The following SERINC1 variants were observed in gnomAD, a reference collection of about 807,000 sequenced individuals.
SERINC1 encodes the protein serine incorporator 1.
Under a neutral mutation model 52.9 loss-of-function variants are expected in SERINC1, and 38 were observed. That is an observed-to-expected ratio of 0.72 (90% CI 0.55 to 0.94). The LOEUF is 0.94. SERINC1 is among the 40% of genes least tolerant of loss of function. The pLI is 0.00. For synonymous variants in SERINC1, 198 were observed against 183.1 expected, an observed-to-expected ratio of 1.08 and a Z score of -0.66; for missense variants, 471 against 533.9, an observed-to-expected ratio of 0.88 and a Z score of 1.16.
At chr6:122,445,391 G>A (rs1180343168) in intron 9 of SERINC1, among the ~76,000 whole-genome samples, 2 of 152,122 alleles carry the variant, frequency 1.3e-5, no homozygotes, top group East Asian at 1.9e-4. Flanking sequence ...AAGTATACAG[G>A]CCTCTGAAAT....
Position 122,444,930 on chromosome 6 carries a change from G to C in SERINC1, c.*114C>G, listed in dbSNP as rs527451398. The C allele has an allele frequency of 9.4e-6, 9 of 957,128 alleles. No homozygotes were observed. The South Asian group carries it at 1.2e-4, about 13-fold the overall frequency. 59.3% of individuals were successfully genotyped at this position (957,128 alleles called of 1,614,324 possible). A position where few individuals can be genotyped will look rare whatever the true frequency, so the allele number is the denominator to read the frequency against. ...AAGCAGTAAAATCTAATTCATGCCA[G>C]AACACTGGAGAAGTTACATGGGAAG... On this transcript the variant is annotated 3_prime_UTR_variant, in exon 10 of 10. Transcript: ENST00000339697.
intron 1 of SERINC1, among the ~76,000 whole-genome samples, chr6:122,467,568 C>T (rs1156243984): frequency 6.6e-6 from 1 of 152,118 alleles, no homozygotes; most frequent in Non-Finnish European, 1.5e-5. Context: ...GATCGCGCCA[C>T]TGCACTCCAG....
chr6:122,451,060 A>G (rs886417522), intron 7 of SERINC1, among the ~76,000 whole-genome samples: 1 of 152,194 alleles, frequency 6.6e-6, no homozygotes, highest in African/African-American at 2.4e-5. Context: ...GTCAAATGCT[A>G]TCAAACAGCA....
intron 1 of SERINC1, among the ~76,000 whole-genome samples, chr6:122,471,419 CA>C (rs150372731): frequency 0.06 from 9,056 of 151,320 alleles, 948 homozygotes; most frequent in East Asian, 0.28. Flanking sequence ...GTTCACGAAG[CA>C]GGGGTGGGGG....
At chr6:122,468,498 T>A (rs1775222936) in intron 1 of SERINC1, among the ~76,000 whole-genome samples, 1 of 152,174 alleles carries the variant, frequency 6.6e-6, no homozygotes, top group African/African-American at 2.4e-5. Flanking sequence ...AGAATCTTTT[T>A]AAGAAACTCT....
chr6:122,447,595 T>G (rs919209109), intron 7 of SERINC1, among the ~76,000 whole-genome samples: 1 of 152,152 alleles, frequency 6.6e-6, no homozygotes, highest in Non-Finnish European at 1.5e-5. Context: ...TCTAGTAGAT[T>G]TAGAAAGAAA....
At chr6:122,445,388 C>G (rs1378252416) in intron 9 of SERINC1, among the ~76,000 whole-genome samples, 2 of 152,148 alleles carry the variant, frequency 1.3e-5, no homozygotes, top group East Asian at 1.9e-4. Context: ...GTAAAGTATA[C>G]AGGCCTCTGA....
chr6:122,460,500 T>C (rs781627652), intron 1 of SERINC1, among the ~76,000 whole-genome samples: 22 of 152,184 alleles, frequency 1.4e-4, no homozygotes, highest in South Asian at 4.1e-4. Flanking sequence ...AGGCAATTAA[T>C]ACTGGAGAAA....
At chr6:122,455,582 ATACT>A (rs1206605218) in intron 3 of SERINC1, among the ~76,000 whole-genome samples, 1 of 152,092 alleles carries the variant, frequency 6.6e-6, no homozygotes, top group Non-Finnish European at 1.5e-5. Context: ...ATGTGAGATA[ATACT>A]TAATAAACTC....
At chr6:122,461,657 A>AT (rs1321428430) in intron 1 of SERINC1, among the ~76,000 whole-genome samples, 1 of 147,200 alleles carries the variant, frequency 6.8e-6, no homozygotes, top group African/African-American at 2.5e-5. Flanking sequence ...TTAAAGTATA[A>AT]TAAAAAAAAA....
At chr6:122,461,935 C>T (rs80124123) in intron 1 of SERINC1, among the ~76,000 whole-genome samples, 48 of 151,952 alleles carry the variant, frequency 3.2e-4, no homozygotes, top group African/African-American at 1.1e-3. Context: ...AATAATAGAC[C>T]GATATCCCTC....
Position 122,471,791 on chromosome 6 carries a change from C to T in SERINC1, c.-54G>A, listed in dbSNP as rs1022777559. 6 of 1,612,438 alleles carry T rather than the reference C, an allele frequency of 3.7e-6. No homozygotes were observed. In the African/African-American group the frequency reaches 6.7e-5, roughly 18 times the overall value. ...CAGACAAGATGGAGACAGCTTCTTTCTCGCCTTTCCGAGATTATTTACTAT... is the reference window on the plus strand; with the variant it reads ...CAGACAAGATGGAGACAGCTTCTTTTTCGCCTTTCCGAGATTATTTACTAT... On this transcript the variant is annotated 5_prime_UTR_variant, in exon 1 of 10. Coordinates refer to ENST00000339697, the MANE Select transcript of SERINC1 (RefSeq NM_020755.4).
intron 1 of SERINC1, among the ~76,000 whole-genome samples, chr6:122,461,630 C>A (rs1775102428): frequency 6.7e-6 from 1 of 150,116 alleles, no homozygotes. Context: ...GCACAATGTG[C>A]ACATGTACCC....
chr6:122,460,065 T>A (rs931122508), intron 1 of SERINC1, among the ~76,000 whole-genome samples: 1 of 152,094 alleles, frequency 6.6e-6, no homozygotes, highest in Non-Finnish European at 1.5e-5. Flanking sequence ...TGGCCCTTAT[T>A]TTATTGATTA....
intron 5 of SERINC1, 152 bp from the exon 6 acceptor site, chr6:122,452,209 G>T (rs1022964952): frequency 8.1e-6 from 4 of 491,482 alleles, no homozygotes; most frequent in Non-Finnish European, 3.3e-6. Context: ...ATAAAAGCAG[G>T]AAAGAAAATT....
At chr6:122,463,667 G>A (rs1775143488) in intron 1 of SERINC1, among the ~76,000 whole-genome samples, 1 of 152,104 alleles carries the variant, frequency 6.6e-6, no homozygotes, top group Admixed American at 6.5e-5. Context: ...TATTAGAACG[G>A]CTAAAATGAA....
intron 1 of SERINC1, among the ~76,000 whole-genome samples, chr6:122,471,028 G>A (rs953157318): frequency 6.0e-5 from 9 of 150,582 alleles, no homozygotes; most frequent in African/African-American, 2.2e-4. Context: ...CATGTTTTGT[G>A]CCTAAAGACA....
chr6:122,471,572 G>A, intron 1 of SERINC1, 127 bp downstream of exon 1: 3 of 1,100,046 alleles, frequency 2.7e-6, no homozygotes, highest in Non-Finnish European at 4.1e-6. Flanking sequence ...AAGAAAACGG[G>A]GACAGAGAGG....
In SERINC1 at chr6:122,446,791, G is replaced by C. The variant is rs1774812174; in HGVS notation, c.1209C>G (p.Thr403=). 2.5e-6 allele frequency: 4 copies of C among 1,609,354 alleles called. No homozygotes were observed. The South Asian group carries it at 4.4e-5, about 18-fold the overall frequency. ...ATAAATACCTGTACCAGTTGGTAAG[G>C]GTCATCATGATATAAAGTGAAGCCA... The part of the protein sequence containing the change: ...LFLASLYIMM[T]LTNWYRYEPS... The change falls in exon 9 of 10, where the codon ACC becomes ACG. Residue 403 remains threonine, a synonymous_variant. Coordinates refer to ENST00000339697, the MANE Select transcript of SERINC1 (RefSeq NM_020755.4).
Sources: allele counts gnomAD v4.1 joint callset (sites outside exome capture counted in the v4.1 genomes callset), GRCh38; gene constraint gnomAD v4.1.1; transcripts MANE v1.5; gene names NCBI Gene and HGNC (gene_info 2026-07-23, HGNC 2026-07-21).